Variants in PRKCE observed in about 807,000 individuals in gnomAD.
PRKCE encodes the protein protein kinase C epsilon.
Under a neutral mutation model 85.4 loss-of-function variants are expected in PRKCE, and 16 were observed. The observed-to-expected ratio is 0.19, with a 90% CI of 0.13 to 0.28. The LOEUF is 0.28. Ranked by LOEUF, PRKCE falls within the 10% of genes least tolerant of loss-of-function variation. The pLI, the probability that PRKCE is intolerant of heterozygous loss-of-function variation, is 1.00. For missense variants in PRKCE, 573 were observed against 975.2 expected, an observed-to-expected ratio of 0.59 and a Z score of 5.49; for synonymous variants, 388 against 371.5, an observed-to-expected ratio of 1.04 and a Z score of -0.51.
intron 2 of PRKCE, among the ~76,000 whole-genome samples, chr2:45,906,016 A>C (rs1344461318): frequency 6.6e-6 from 1 of 152,216 alleles, no homozygotes; most frequent in Non-Finnish European, 1.5e-5. Context: ...TGACCCGGGT[A>C]TGGAGCGTGG....
chr2:45,662,593 G>A lies in PRKCE; in HGVS notation c.348+10145G>A, dbSNP rs757952812. 2.0e-5 allele frequency among the ~76,000 whole-genome samples: 3 copies of A among 152,076 alleles called. No individual in the cohort carries two copies. In the East Asian group the frequency reaches 5.8e-4, roughly 29 times the overall value. Reference sequence around the variant, plus strand: ...CTCAGCTCCTGGACCCTACATTCTGGGCCTTGGCTACGGTTAACCTTCGCA... The same window carrying A: ...CTCAGCTCCTGGACCCTACATTCTGAGCCTTGGCTACGGTTAACCTTCGCA... On this transcript the variant is annotated intron_variant, in intron 1 of 14. Transcript: ENST00000306156.
At chr2:46,007,201 A>G (rs1033233833) in intron 8 of PRKCE, among the ~76,000 whole-genome samples, 1 of 152,204 alleles carries the variant, frequency 6.6e-6, no homozygotes. Context: ...AGCCAGGTCC[A>G]GTGTAATCTG....
At chr2:45,730,498 T>C (rs1681477320) in intron 1 of PRKCE, among the ~76,000 whole-genome samples, 3 of 150,858 alleles carry the variant, frequency 2.0e-5, no homozygotes, top group Non-Finnish European at 4.4e-5. Context: ...CTCACCCTGT[T>C]GCCCAGGCTC....
chr2:45,966,636 A>AGTT (rs1701749426), intron 2 of PRKCE, among the ~76,000 whole-genome samples: 2 of 152,134 alleles, frequency 1.3e-5, no homozygotes, highest in Admixed American at 1.3e-4. Flanking sequence ...CCCCAACCCC[A>AGTT]GGGTTTTCCT....
intron 5 of PRKCE, among the ~76,000 whole-genome samples, chr2:45,982,206 C>T (rs895339566): frequency 6.7e-6 from 1 of 148,846 alleles, no homozygotes; most frequent in Non-Finnish European, 1.5e-5. Flanking sequence ...GTATCTGCCC[C>T]TCAGGGTGAT....
intron 2 of PRKCE, among the ~76,000 whole-genome samples, chr2:45,941,881 T>C (rs769169888): frequency 6.6e-6 from 1 of 152,162 alleles, no homozygotes; most frequent in Non-Finnish European, 1.5e-5. Flanking sequence ...AGGTTCTTTA[T>C]TGGGATAAAA....
chr2:46,069,278 G>A (rs1667875397), intron 10 of PRKCE, among the ~76,000 whole-genome samples: 1 of 152,190 alleles, frequency 6.6e-6, no homozygotes, highest in Non-Finnish European at 1.5e-5. Flanking sequence ...CAAATTGCCA[G>A]TCACTAACTA....
At chr2:45,807,351 AG>A (rs56876557) in intron 1 of PRKCE, among the ~76,000 whole-genome samples, 6,714 of 152,316 alleles carry the variant, frequency 0.044, 507 homozygotes, top group African/African-American at 0.15. Flanking sequence ...CCAACTGGAC[AG>A]TGTCTTCTGG....
intron 1 of PRKCE, among the ~76,000 whole-genome samples, chr2:45,837,764 T>A (rs951113290): frequency 3.3e-5 from 5 of 152,148 alleles, no homozygotes; most frequent in African/African-American, 1.2e-4. Context: ...ATCCCAGCAC[T>A]CTGTGAGGCT....
intron 1 of PRKCE, among the ~76,000 whole-genome samples, chr2:45,820,023 T>C (rs1689395193): frequency 6.6e-6 from 1 of 152,084 alleles, no homozygotes; most frequent in Non-Finnish European, 1.5e-5. Flanking sequence ...CTGTGGGGAT[T>C]GCAGTACTTT....
intron 10 of PRKCE, among the ~76,000 whole-genome samples, chr2:46,067,479 T>C (rs1379758742): frequency 6.6e-6 from 1 of 152,236 alleles, no homozygotes; most frequent in Admixed American, 6.5e-5. Flanking sequence ...TGGCCTGGCC[T>C]TTGCTCCCTG....
chr2:45,761,109 C>T (rs555698658), intron 1 of PRKCE, among the ~76,000 whole-genome samples: 5 of 152,090 alleles, frequency 3.3e-5, no homozygotes, highest in South Asian at 4.2e-4. Context: ...GGGCGGATCA[C>T]GAGGTCAGGA....
At chr2:46,035,048 G>T (rs1302400108) in intron 10 of PRKCE, among the ~76,000 whole-genome samples, 4 of 152,222 alleles carry the variant, frequency 2.6e-5, no homozygotes, top group African/African-American at 4.8e-5. Flanking sequence ...CACATGGGTT[G>T]TACCTCTGAA....
At chr2:46,108,013 G>A (rs530731395) in intron 11 of PRKCE, among the ~76,000 whole-genome samples, 38 of 152,244 alleles carry the variant, frequency 2.5e-4, no homozygotes, top group African/African-American at 8.7e-4. Context: ...GCTTAACCTT[G>A]AACTCCTGGG....
At chr2:45,754,582 C>G (rs1294820311) in intron 1 of PRKCE, among the ~76,000 whole-genome samples, 1 of 152,196 alleles carries the variant, frequency 6.6e-6, no homozygotes, top group Non-Finnish European at 1.5e-5. Context: ...ACTTAGGTGG[C>G]CTGGTTTCAT....
At chr2:45,711,889 C>CA (rs1392231565) in intron 1 of PRKCE, among the ~76,000 whole-genome samples, 2 of 152,192 alleles carry the variant, frequency 1.3e-5, no homozygotes, top group Admixed American at 1.3e-4. Context: ...TCCCAAAGTG[C>CA]TGGGATTACA....
chr2:46,153,817 C>T (rs557017480), intron 13 of PRKCE, among the ~76,000 whole-genome samples: 139 of 136,434 alleles, frequency 1.0e-3, no homozygotes, highest in Non-Finnish European at 1.6e-3. Flanking sequence ...GACCAAGTCT[C>T]GCTCTGTCAC....
intron 11 of PRKCE, among the ~76,000 whole-genome samples, chr2:46,096,997 A>T (rs377087939): frequency 6.6e-6 from 1 of 152,184 alleles, no homozygotes; most frequent in East Asian, 1.9e-4. Context: ...AGTTACAGGT[A>T]CCCCCACGAT....
At chr2:45,854,556 A>C (rs1257582299) in intron 2 of PRKCE, among the ~76,000 whole-genome samples, 1 of 152,228 alleles carries the variant, frequency 6.6e-6, no homozygotes, top group Non-Finnish European at 1.5e-5. Flanking sequence ...CAGCCTATTG[A>C]AGGTAAACAA....
Sources: gnomAD v4.1 joint callset for allele counts (sites outside exome capture counted in the v4.1 genomes callset) on GRCh38, gnomAD v4.1.1 for gene constraint, MANE v1.5 for transcripts, NCBI Gene and HGNC (gene_info 2026-07-23, HGNC 2026-07-21) for gene names.